Variants in EEFSEC observed in about 807,000 individuals in gnomAD.
The protein encoded by EEFSEC is selenocysteine-specific elongation factor.
EEFSEC carries 43 observed loss-of-function variants against 42.1 expected under a neutral mutation model. That is an observed-to-expected ratio of 1.02 (90% CI 0.80 to 1.32). The LOEUF (loss-of-function observed/expected upper bound fraction) is 1.32. Ranked by LOEUF, EEFSEC falls within the 40% of genes most tolerant of loss-of-function variation. The pLI, the probability that EEFSEC is intolerant of heterozygous loss-of-function variation, is 0.00. For missense variants in EEFSEC, 745 were observed against 803.6 expected, an observed-to-expected ratio of 0.93 and a Z score of 0.88; for synonymous variants, 354 against 339.1, an observed-to-expected ratio of 1.04 and a Z score of -0.48.
chr3:128,305,867 A>G (rs2066820531), intron 4 of EEFSEC, among the ~76,000 whole-genome samples: 1 of 152,228 alleles, frequency 6.6e-6, no homozygotes. Flanking sequence ...AAGACTAAAT[A>G]CATTGATCAT....
chr3:128,383,726 G>T (rs2107616806), intron 6 of EEFSEC, among the ~76,000 whole-genome samples: 1 of 152,374 alleles, frequency 6.6e-6, no homozygotes, highest in Middle Eastern at 3.4e-3. Context: ...AGTCAGAGGT[G>T]CTGGGGCCAT....
Position 128,358,267 on chromosome 3 carries a change from C to CA in EEFSEC, c.1496dup (p.Asn499LysfsTer103), listed in dbSNP as rs764551825. ...GCCGCTCCCTGTTCAAAAAGGAAAC[C>CA]AACATCCAGCTCTTCGTGGGGCTCA... On this transcript the variant is annotated frameshift_variant, in exon 6 of 7. Transcript: ENST00000254730. LOFTEE classifies it high-confidence loss of function. 3.4e-5 allele frequency: 55 copies of CA among 1,614,200 alleles called. No individual in the cohort carries two copies. Among genetic ancestry groups the CA allele is most frequent in the Non-Finnish European group, 4.4e-5 (52 of 1,180,032 alleles).
intron 3 of EEFSEC, among the ~76,000 whole-genome samples, chr3:128,263,492 G>A (rs575171731): frequency 6.6e-6 from 1 of 152,370 alleles, no homozygotes; most frequent in East Asian, 1.9e-4. Flanking sequence ...TCAGGCTCCT[G>A]AGAGCACTTG....
At chr3:128,379,827 G>T (rs961655568) in intron 6 of EEFSEC, among the ~76,000 whole-genome samples, 4 of 152,238 alleles carry the variant, frequency 2.6e-5, no homozygotes, top group Admixed American at 2.6e-4. Context: ...GATGAGGTTG[G>T]GTCCCGTCAG....
At chr3:128,154,010 G>A (rs1285123272) in intron 1 of EEFSEC, 187 bp downstream of exon 1, 12 of 687,538 alleles carry the variant, frequency 1.7e-5, no homozygotes, top group African/African-American at 4.1e-5. Flanking sequence ...GAGGCTTTGA[G>A]ATTCAGCTTT....
At chr3:128,417,740 T>TG in the EEFSEC span, among the ~76,000 whole-genome samples, 14 of 152,210 alleles carry the variant, frequency 9.2e-5, no homozygotes, top group East Asian at 2.7e-3. This position sits in a 1 kb window ranked among gnomAD's most constrained non-coding sequence, Gnocchi z 4.3. Context: ...TAAATGGAGC[T>TG]GGTCTCATTA....
chr3:128,215,724 A>T (rs1469704183), intron 1 of EEFSEC, among the ~76,000 whole-genome samples: 1 of 152,026 alleles, frequency 6.6e-6, no homozygotes, highest in Non-Finnish European at 1.5e-5. Context: ...GCCTCAAATA[A>T]TGTTGTTAGG....
At chr3:128,386,782 T>C (rs568867846) in intron 6 of EEFSEC, among the ~76,000 whole-genome samples, 1 of 152,182 alleles carries the variant, frequency 6.6e-6, no homozygotes, top group Admixed American at 6.5e-5. Flanking sequence ...CAGGCTCCTT[T>C]AAACAACCGG....
At chr3:128,319,704 C>G (rs557068567) in intron 4 of EEFSEC, among the ~76,000 whole-genome samples, 1 of 152,214 alleles carries the variant, frequency 6.6e-6, no homozygotes, top group Non-Finnish European at 1.5e-5. Context: ...ACTATTCTTA[C>G]GTCCAGGTCA....
intron 4 of EEFSEC, among the ~76,000 whole-genome samples, chr3:128,308,840 C>T (rs2066859909): frequency 1.3e-5 from 2 of 152,210 alleles, no homozygotes; most frequent in South Asian, 4.1e-4. Flanking sequence ...AGACACCGCC[C>T]CTGCTGTCTG....
chr3:128,367,795 C>T, intron 6 of EEFSEC: 1 of 985,438 alleles, frequency 1.0e-6, no homozygotes, highest in Non-Finnish European at 1.2e-6. Context: ...AAGAAACCAG[C>T]TCTACAATAA....
At chr3:128,282,397 G>A (rs1207055257) in intron 4 of EEFSEC, among the ~76,000 whole-genome samples, 1 of 152,252 alleles carries the variant, frequency 6.6e-6, no homozygotes, top group Non-Finnish European at 1.5e-5. Context: ...GCTCTTGCCA[G>A]TTCATTCGGA....
At chr3:128,373,272 G>A (rs2067674213) in intron 6 of EEFSEC, among the ~76,000 whole-genome samples, 1 of 152,246 alleles carries the variant, frequency 6.6e-6, no homozygotes, top group Non-Finnish European at 1.5e-5. Flanking sequence ...GTGGAGCCAG[G>A]CAGGCAGGGA....
rs373547576 is a variant in EEFSEC at position 128,197,971 on chromosome 3, ACTTTAAT to A, written c.316+44155_316+44161del. Among the ~76,000 whole-genome samples the A allele has an allele frequency of 3.9e-5, 6 of 152,232 alleles. No individual in the cohort carries two copies. In the East Asian group the frequency reaches 1.2e-3, roughly 29 times the overall value. On this transcript the variant is annotated intron_variant, in intron 1 of 6. Coordinates refer to ENST00000254730, the MANE Select transcript of EEFSEC (RefSeq NM_021937.5). ...ACTGAGCCGTCTGTCTCTGCCTGTGACTTTAATCTTTAAGCCTTTATTCCCTTTACCC... is the reference window on the plus strand; with the variant it reads ...ACTGAGCCGTCTGTCTCTGCCTGTGACTTTAAGCCTTTATTCCCTTTACCC...
rs572373068 is a variant in EEFSEC, at chr3:128,382,794, G to A, written c.1600+24421G>A. Among the ~76,000 whole-genome samples the A allele has an allele frequency of 2.0e-5, 3 of 151,932 alleles. No individual in the cohort carries two copies. The East Asian group carries it at 5.8e-4, about 29-fold the overall frequency. ...CTCCGTAGTCTCAGAGCCATACTAG[G>A]ATGAGCCCGAAAAAAAAAGAGGGAG... On this transcript the variant is annotated intron_variant, in intron 6 of 6. Transcript: ENST00000254730.
chr3:128,376,699 T>G lies in EEFSEC; in HGVS notation c.1600+18326T>G, dbSNP rs1164807736. 1.3e-4 allele frequency among the ~76,000 whole-genome samples: 20 copies of G among 152,284 alleles called. No individual in the cohort carries two copies. In the East Asian group the frequency reaches 3.5e-3, roughly 26 times the overall value. On this transcript the variant is annotated intron_variant, in intron 6 of 6. Coordinates refer to ENST00000254730, the MANE Select transcript of EEFSEC (RefSeq NM_021937.5). Reference sequence around the variant, plus strand: ...TCCTCATTAGCCTTGGCACACTGACTTGTGTGGTGGAAAGATGATCCTTCT... The same window carrying G: ...TCCTCATTAGCCTTGGCACACTGACGTGTGTGGTGGAAAGATGATCCTTCT...
rs565711771 is a variant in EEFSEC at position 128,153,683 on chromosome 3, C to A, written c.176C>A (p.Pro59Gln). 1.3e-6 allele frequency: 2 copies of A among 1,592,972 alleles called. No homozygotes were observed. The highest frequency in any genetic ancestry group is 1.7e-6 in the Non-Finnish European group (2 of 1,176,856). Residue 59 changes from proline to glutamine, a missense_variant, in exon 1 of 7, where the codon CCG (proline) becomes CAG (glutamine). Coordinates refer to ENST00000254730, the MANE Select transcript of EEFSEC (RefSeq NM_021937.5). ...CTGGGCTTCTCGTGCTTCTCGGTGC[C>A]GCTGCCCGCGCGCCTGCGGTCGTCT... ...LDLGFSCFSVPLPARLRSSLP... is the reference protein window; with the variant it reads ...LDLGFSCFSVQLPARLRSSLP...
chr3:128,388,874 G>T (rs2067873564), intron 6 of EEFSEC, among the ~76,000 whole-genome samples: 1 of 152,218 alleles, frequency 6.6e-6, no homozygotes, highest in Non-Finnish European at 1.5e-5. Flanking sequence ...CAAGCTGCAG[G>T]TCTGCTGTTG....
At chr3:128,327,129 G>A (rs1319405816) in intron 4 of EEFSEC, among the ~76,000 whole-genome samples, 1 of 152,076 alleles carries the variant, frequency 6.6e-6, no homozygotes, top group Non-Finnish European at 1.5e-5. Context: ...GTCACACATC[G>A]CCATGTCCCC....
Sources: gnomAD v4.1 joint callset for allele counts (sites outside exome capture counted in the v4.1 genomes callset) on GRCh38, gnomAD v4.1.1 for gene constraint, Gnocchi (gnomAD v3.1) non-coding constraint, MANE v1.5 for transcripts, NCBI Gene and HGNC (gene_info 2026-07-23, HGNC 2026-07-21) for gene names.